The following CTNNA3 variants were observed in gnomAD, a reference collection of about 807,000 sequenced individuals.
CTNNA3 encodes the protein catenin alpha-3.
A neutral mutation model predicts 95.7 loss-of-function variants in CTNNA3; 76 were observed. That is an observed-to-expected ratio of 0.79 (90% CI 0.66 to 0.96). The LOEUF is 0.96. Among genes scored for constraint, CTNNA3 ranks in the 40% least tolerant of loss-of-function variants. The pLI, the probability that CTNNA3 is intolerant of heterozygous loss-of-function variation, is 0.00. For synonymous variants in CTNNA3, 431 were observed against 374.4 expected, an observed-to-expected ratio of 1.15 and a Z score of -1.74; for missense variants, 1,191 against 1,089.8, an observed-to-expected ratio of 1.09 and a Z score of -1.31.
chr10:67,386,534 A>C (rs1844172821), intron 5 of CTNNA3, among the ~76,000 whole-genome samples: 2 of 152,174 alleles, frequency 1.3e-5, no homozygotes, highest in Admixed American at 1.3e-4. Flanking sequence ...ACTGAGTTGA[A>C]AGCCTTCATT....
intron 10 of CTNNA3, among the ~76,000 whole-genome samples, chr10:66,588,238 A>G (rs940718778): frequency 3.3e-5 from 5 of 151,754 alleles, no homozygotes; most frequent in African/African-American, 1.2e-4. Context: ...TCACGGTGGC[A>G]GTCTCTCCCC....
chr10:66,862,440 G>A (rs1465486642), intron 7 of CTNNA3, among the ~76,000 whole-genome samples: 1 of 152,132 alleles, frequency 6.6e-6, no homozygotes, highest in Non-Finnish European at 1.5e-5. Context: ...TACATTAATA[G>A]ATACAGAGAG....
At chr10:67,169,880 G>A (rs1317718986) in intron 7 of CTNNA3, among the ~76,000 whole-genome samples, 6 of 151,940 alleles carry the variant, frequency 3.9e-5, no homozygotes, top group Admixed American at 3.9e-4. Flanking sequence ...ACAAAGGTCT[G>A]ATATAAGAAA....
At chr10:66,946,007 G>A (rs1033411231) in intron 7 of CTNNA3, among the ~76,000 whole-genome samples, 1 of 152,138 alleles carries the variant, frequency 6.6e-6, no homozygotes, top group African/African-American at 2.4e-5. Context: ...TAATAATCAT[G>A]AAAATGTTTA....
At chr10:66,792,603 T>C (rs1458207224) in intron 7 of CTNNA3, among the ~76,000 whole-genome samples, 2 of 152,156 alleles carry the variant, frequency 1.3e-5, no homozygotes, top group South Asian at 4.1e-4. Context: ...CTTTTGCTTT[T>C]GGCTTTGAGT....
intron 2 of CTNNA3, among the ~76,000 whole-genome samples, chr10:67,623,700 G>C (rs1342611533): frequency 6.6e-6 from 1 of 152,142 alleles, no homozygotes; most frequent in East Asian, 1.9e-4. Context: ...ACAGAATTGG[G>C]AAGAGAGGCA....
At chr10:67,332,505 T>C (rs1841832848) in intron 5 of CTNNA3, among the ~76,000 whole-genome samples, 1 of 152,150 alleles carries the variant, frequency 6.6e-6, no homozygotes. Flanking sequence ...TAGGAACTAG[T>C]GATCCACATT....
chr10:66,586,984 T>C (rs1843381054), intron 10 of CTNNA3, among the ~76,000 whole-genome samples: 2 of 152,136 alleles, frequency 1.3e-5, no homozygotes, highest in Admixed American at 6.5e-5. Flanking sequence ...GCTGCCACAG[T>C]TCAGGCTGTA....
At chr10:66,450,010 A>ATT (rs11401625) in intron 11 of CTNNA3, among the ~76,000 whole-genome samples, 366 of 151,700 alleles carry the variant, frequency 2.4e-3, no homozygotes, top group Non-Finnish European at 4.1e-3. Context: ...TAAGTTCATA[A>ATT]TTTTTTTTGA....
intron 1 of CTNNA3, among the ~76,000 whole-genome samples, chr10:67,701,964 G>A (rs1160704274): frequency 6.6e-6 from 1 of 152,124 alleles, no homozygotes; most frequent in Non-Finnish European, 1.5e-5. Context: ...AAAAAAGGCA[G>A]GGGTTGCAAT....
intron 11 of CTNNA3, among the ~76,000 whole-genome samples, chr10:66,478,885 T>C (rs12242076): frequency 0.062 from 9,401 of 151,916 alleles, 608 homozygotes; most frequent in African/African-American, 0.16. Flanking sequence ...CTGTGATTTC[T>C]TGCTAAACAG....
chr10:67,392,055 G>A (rs553423023), intron 5 of CTNNA3, among the ~76,000 whole-genome samples: 2 of 152,194 alleles, frequency 1.3e-5, no homozygotes, highest in East Asian at 3.9e-4. Context: ...ATTGACAAAT[G>A]GGATCTAATT....
intron 12 of CTNNA3, among the ~76,000 whole-genome samples, chr10:66,351,600 A>G (rs1001237118): frequency 2.6e-5 from 4 of 152,072 alleles, no homozygotes; most frequent in Non-Finnish European, 5.9e-5. Flanking sequence ...GATTTACGGT[A>G]TGCTGCAAGT....
rs549698161 is a variant in CTNNA3, at chr10:67,443,821, T to C, written c.579+78021A>G. Among the ~76,000 whole-genome samples the C allele has an allele frequency of 3.9e-5, 6 of 152,250 alleles. No individual in the cohort carries two copies. In the South Asian group the frequency reaches 1.2e-3, roughly 32 times the overall value. ...TTTAATTAGATCCCATTTGTCAATT[T>C]TGGCTTTTGTTGCCATTGCTTTTGG... On this transcript the variant is annotated intron_variant, in intron 5 of 17. Transcript: ENST00000433211.
chr10:67,578,996 GATATATATAT>G (rs533690910), intron 3 of CTNNA3, among the ~76,000 whole-genome samples: 75 of 87,382 alleles, frequency 8.6e-4, no homozygotes, highest in Admixed American at 5.7e-3. Context: ...TGATCATAGT[GATATATATAT>G]ATATATATAT....
At chr10:66,951,710 A>C (rs1323035278) in intron 7 of CTNNA3, among the ~76,000 whole-genome samples, 1 of 152,176 alleles carries the variant, frequency 6.6e-6, no homozygotes, top group African/African-American at 2.4e-5. Context: ...CCAAAAAGGA[A>C]ACTGGATTAC....
rs778640435 is a variant in CTNNA3 at position 66,069,488 on chromosome 10, G to A, written c.1979C>T (p.Ala660Val). Residue 660 changes from alanine to valine, a missense_variant and splice_region_variant, in exon 15 of 18, where the codon GCT becomes GTT. By Grantham distance (64) the Ala-to-Val change is moderately conservative. Transcript: ENST00000433211. The part of the protein sequence containing the change: ...SIQTEGKTDR[A>V]KMTQLPEAEK... ...TGCCTCAGGCAGTTGAGTCATCTTA[G>A]CCTAAAACATGTGATAATTAGAGTT... 7.1e-5 allele frequency: 113 copies of A among 1,602,130 alleles called. No homozygotes were observed. Among genetic ancestry groups the A allele is most frequent in the Non-Finnish European group, 9.4e-5 (110 of 1,175,778 alleles).
rs115238057 is a variant in CTNNA3 at position 66,858,078 on chromosome 10, C to A, written c.1048-82554G>T. Among the ~76,000 whole-genome samples, 593 of 152,074 alleles carry A rather than the reference C, an allele frequency of 3.9e-3. 6 individuals carry two copies. Among genetic ancestry groups the A allele is most frequent in the African/African-American group, 0.013 (547 of 41,524 alleles). On this transcript the variant is annotated intron_variant, in intron 7 of 17. Transcript: ENST00000433211. Reference sequence around the variant, plus strand: ...GTTATTATTTTGAAGTATGTTCCTCCAATGCCTAGTTTATTGAGGATTTTT... The same window carrying A: ...GTTATTATTTTGAAGTATGTTCCTCAAATGCCTAGTTTATTGAGGATTTTT...
At chr10:67,641,954 A>C (rs1177556842) in intron 2 of CTNNA3, among the ~76,000 whole-genome samples, 2 of 152,200 alleles carry the variant, frequency 1.3e-5, no homozygotes, top group Non-Finnish European at 2.9e-5. Flanking sequence ...ACATGTATAC[A>C]TATGTAACAA....
Sources: allele counts gnomAD v4.1 joint callset (sites outside exome capture counted in the v4.1 genomes callset), GRCh38; gene constraint gnomAD v4.1.1; transcripts MANE v1.5; gene names NCBI Gene and HGNC (gene_info 2026-07-23, HGNC 2026-07-21).